Variants in MACROD2 observed in about 807,000 individuals in gnomAD.
MACROD2 encodes the protein ADP-ribose glycohydrolase MACROD2.
In MACROD2, 36 loss-of-function variants were observed where a neutral mutation model predicts 70.4. The ratio of observed to expected loss-of-function variants is 0.51; its 90% CI spans 0.39 to 0.68. The LOEUF is 0.68. MACROD2 is among the 30% of genes least tolerant of loss of function. The pLI is 0.00. For missense variants in MACROD2, 496 were observed against 538.4 expected (o/e 0.92, Z 0.78); for synonymous variants, 172 against 178.8 (o/e 0.96, Z 0.30).
chr20:15,739,100 G>A (rs545419450), intron 8 of MACROD2, among the ~76,000 whole-genome samples: 1 of 152,138 alleles, frequency 6.6e-6, no homozygotes, highest in Non-Finnish European at 1.5e-5. Context: ...GGGCTTGATG[G>A]GGCCTTGTGA....
At chr20:15,682,621 A>G (rs901189640) in intron 8 of MACROD2, among the ~76,000 whole-genome samples, 8 of 152,216 alleles carry the variant, frequency 5.3e-5, no homozygotes, top group African/African-American at 1.9e-4. Context: ...TTCATTCCAC[A>G]TGAAGCTTGG....
At chr20:14,262,508 GCT>G (rs1308228418) in intron 3 of MACROD2, among the ~76,000 whole-genome samples, 1 of 152,200 alleles carries the variant, frequency 6.6e-6, no homozygotes, top group African/African-American at 2.4e-5. Flanking sequence ...TCGGCAGAGG[GCT>G]CTCTTAGTTG....
At chr20:14,784,550 G>A (rs1276518618) in intron 5 of MACROD2, among the ~76,000 whole-genome samples, 1 of 151,534 alleles carries the variant, frequency 6.6e-6, no homozygotes, top group African/African-American at 2.4e-5. Flanking sequence ...GTGCTGGCAT[G>A]CAATTACTGT....
At chr20:14,101,455 G>A (rs986246440) in intron 3 of MACROD2, among the ~76,000 whole-genome samples, 3 of 151,980 alleles carry the variant, frequency 2.0e-5, no homozygotes, top group Non-Finnish European at 2.9e-5. Context: ...TAAGTTTAGC[G>A]TTGATAGATT....
At chr20:15,119,419 GAGGTGCA>G (rs1403085373) in intron 5 of MACROD2, among the ~76,000 whole-genome samples, 2 of 152,194 alleles carry the variant, frequency 1.3e-5, no homozygotes, top group African/African-American at 2.4e-5. Context: ...CTGTTGTACA[GAGGTGCA>G]AACAGGGCTG....
chr20:14,598,469 G>A (rs1438338423), intron 4 of MACROD2, among the ~76,000 whole-genome samples: 1 of 152,090 alleles, frequency 6.6e-6, no homozygotes, highest in African/African-American at 2.4e-5. Flanking sequence ...TAAAAATAGA[G>A]ATGGTAATAT....
At chr20:15,869,232 T>G (rs397832190) in intron 9 of MACROD2, among the ~76,000 whole-genome samples, 1,614 of 33,016 alleles carry the variant, frequency 0.049, 44 homozygotes, top group East Asian at 0.087. Context: ...TATATATATA[T>G]ATATATAGAG....
intron 5 of MACROD2, among the ~76,000 whole-genome samples, chr20:15,058,578 A>G (rs542821012): frequency 6.6e-6 from 1 of 152,212 alleles, no homozygotes; most frequent in Non-Finnish European, 1.5e-5. Flanking sequence ...TGGCAACTGT[A>G]GGTAGAAGAT....
chr20:14,379,280 T>A lies in MACROD2; in HGVS notation c.272-114199T>A, dbSNP rs180991921. Among the ~76,000 whole-genome samples the A allele has an allele frequency of 1.7e-3, 258 of 152,328 alleles. 3 individuals carry two copies. The highest frequency in any genetic ancestry group is 6.0e-3 in the African/African-American group (249 of 41,586). On this transcript the variant is annotated intron_variant, in intron 3 of 17. Transcript: ENST00000684519. ...GAATCTGTGCGTTTCACCTGTATGA[T>A]GTGCTACAAATTTTCCCATCTGTGT...
At chr20:14,824,422 G>A (rs2072880183) in intron 5 of MACROD2, among the ~76,000 whole-genome samples, 1 of 152,084 alleles carries the variant, frequency 6.6e-6, no homozygotes, top group Non-Finnish European at 1.5e-5. Flanking sequence ...TAATTCTACA[G>A]TTTGGACAAG....
At chr20:14,468,856 A>G (rs1382669345) in intron 3 of MACROD2, among the ~76,000 whole-genome samples, 1 of 152,054 alleles carries the variant, frequency 6.6e-6, no homozygotes, top group Non-Finnish European at 1.5e-5. Flanking sequence ...TCTCCTGAAT[A>G]CAGCACCCCG....
chr20:15,114,546 G>A (rs1601093195), intron 5 of MACROD2, among the ~76,000 whole-genome samples: 1 of 152,122 alleles, frequency 6.6e-6, no homozygotes, highest in Admixed American at 6.5e-5. Context: ...AGTCATGTGA[G>A]CCTGGAAGAG....
chr20:15,388,999 G>A (rs2045756259), intron 6 of MACROD2, among the ~76,000 whole-genome samples: 1 of 143,630 alleles, frequency 7.0e-6, no homozygotes, highest in African/African-American at 3.0e-5. Context: ...AAAGAATTTA[G>A]GAGTCAGGAG....
chr20:15,126,449 A>G (rs1237367076), intron 5 of MACROD2, among the ~76,000 whole-genome samples: 1 of 151,988 alleles, frequency 6.6e-6, no homozygotes, highest in Non-Finnish European at 1.5e-5. Flanking sequence ...TTAATAAATC[A>G]TAAATTTAAA....
rs1161380680 is a variant in MACROD2 at position 15,801,125 on chromosome 20, C to A, written c.646-61620C>A. On this transcript the variant is annotated intron_variant, in intron 8 of 17. Coordinates refer to ENST00000684519, the MANE Select transcript of MACROD2 (RefSeq NM_001351661.2). Reference sequence around the variant, plus strand: ...CTTGTTTATCTGCTGACCTTCCCTCCACTATTGTCCTGTGACCCTGCCAAA... The same window carrying A: ...CTTGTTTATCTGCTGACCTTCCCTCAACTATTGTCCTGTGACCCTGCCAAA... Among the ~76,000 whole-genome samples the A allele has an allele frequency of 4.2e-4, 63 of 148,850 alleles. No homozygotes were observed. The South Asian group carries it at 0.013, about 30-fold the overall frequency.
intron 6 of MACROD2, among the ~76,000 whole-genome samples, chr20:15,325,665 T>A (rs2077921078): frequency 6.6e-6 from 1 of 152,150 alleles, no homozygotes; most frequent in Non-Finnish European, 1.5e-5. Context: ...CCTGTCTGCA[T>A]CCTAACTTAT....
intron 8 of MACROD2, among the ~76,000 whole-genome samples, chr20:15,734,326 C>T (rs572124245): frequency 6.6e-6 from 1 of 152,146 alleles, no homozygotes; most frequent in African/African-American, 2.4e-5. Context: ...CGTCATAAAC[C>T]CAAGGATCAG....
chr20:15,450,263 T>G (rs1463718907), intron 7 of MACROD2, among the ~76,000 whole-genome samples: 1 of 151,878 alleles, frequency 6.6e-6, no homozygotes, highest in East Asian at 1.9e-4. Context: ...TTACAAAAAG[T>G]TATAAATGCA....
At chr20:16,019,495 T>A (rs1032360772) in intron 15 of MACROD2, among the ~76,000 whole-genome samples, 1 of 152,186 alleles carries the variant, frequency 6.6e-6, no homozygotes, top group Non-Finnish European at 1.5e-5. Context: ...CCACATTCAC[T>A]GGAGACTTTC....
Sources: allele counts gnomAD v4.1 joint callset (sites outside exome capture counted in the v4.1 genomes callset), GRCh38; gene constraint gnomAD v4.1.1; transcripts MANE v1.5; gene names NCBI Gene and HGNC (gene_info 2026-07-23, HGNC 2026-07-21).